Variants in ZNF578 observed in about 807,000 individuals in gnomAD.
ZNF578 encodes the protein Putative chemokine-related protein B42.
A neutral mutation model predicts 8.3 loss-of-function variants in ZNF578; 8 were observed. That is an observed-to-expected ratio of 0.96 (90% CI 0.56 to 1.74). ZNF578 has a LOEUF of 1.74. Ranked by LOEUF, ZNF578 falls within the 40% of genes most tolerant of loss-of-function variation. The pLI is 0.00. For missense variants in ZNF578, 726 were observed against 707.5 expected, an observed-to-expected ratio of 1.03 and a Z score of -0.30; for synonymous variants, 206 against 232.2, an observed-to-expected ratio of 0.89 and a Z score of 1.03.
chr19:52,508,825 G>A (rs1019567241), intron 5 of ZNF578, among the ~76,000 whole-genome samples: 6 of 146,608 alleles, frequency 4.1e-5, no homozygotes, highest in South Asian at 2.1e-4. Flanking sequence ...TCTGATAATC[G>A]CTTTTAGCCA....
Position 52,513,552 on chromosome 19 carries a change from A to G in ZNF578, c.*1398A>G, listed in dbSNP as rs373707106. Among the ~76,000 whole-genome samples the G allele has an allele frequency of 6.6e-6, 1 of 151,344 alleles. No individual in the cohort carries two copies. Among genetic ancestry groups the G allele is most frequent in the African/African-American group, 2.4e-5 (1 of 41,232 alleles). On this transcript the variant is annotated 3_prime_UTR_variant, in exon 6 of 6. Transcript: ENST00000421239. Reference sequence around the variant, plus strand: ...GAGACCGTCCTGGCTAACACGGTGAAACCTCGTCTCTACTAAAAATACAAA... The same window carrying G: ...GAGACCGTCCTGGCTAACACGGTGAGACCTCGTCTCTACTAAAAATACAAA...
At chr19:52,458,601 A>G (rs1484443864) in intron 2 of ZNF578, 1 of 151,250 alleles carries the variant, frequency 6.6e-6, no homozygotes, top group Non-Finnish European at 1.5e-5. Flanking sequence ...TGCTTTGCTC[A>G]ATTTTCTTTC....
intron 2 of ZNF578, among the ~76,000 whole-genome samples, chr19:52,479,132 CT>C (rs75979484): frequency 0.1 from 15,247 of 152,176 alleles, 1,301 homozygotes; most frequent in East Asian, 0.33. Flanking sequence ...TAGTTAATGT[CT>C]GACAACTAAC....
intron 3 of ZNF578, among the ~76,000 whole-genome samples, chr19:52,501,284 C>T (rs1205991096): frequency 1.3e-5 from 2 of 152,194 alleles, no homozygotes; most frequent in Admixed American, 1.3e-4. Context: ...TGGGCTCGCC[C>T]CCTCTGAGTG....
At chr19:52,486,364 G>T (rs1037180497) in intron 2 of ZNF578, among the ~76,000 whole-genome samples, 1 of 152,204 alleles carries the variant, frequency 6.6e-6, no homozygotes, top group Middle Eastern at 3.4e-3. Flanking sequence ...GCCGTCGTGG[G>T]TCCTCCGTAT....
intron 2 of ZNF578, among the ~76,000 whole-genome samples, chr19:52,482,517 A>G (rs1195279147): frequency 2.0e-5 from 3 of 152,136 alleles, no homozygotes; most frequent in Non-Finnish European, 4.4e-5. Flanking sequence ...AGACGCCTGT[A>G]ATCCCACCTA....
intron 3 of ZNF578, among the ~76,000 whole-genome samples, chr19:52,493,377 C>T (rs1335873576): frequency 6.6e-6 from 1 of 152,202 alleles, no homozygotes; most frequent in Admixed American, 6.5e-5. Flanking sequence ...TTCCCCTGAA[C>T]CAGCATTGGG....
At chr19:52,484,861 C>T (rs2059339474) in intron 2 of ZNF578, among the ~76,000 whole-genome samples, 2 of 151,214 alleles carry the variant, frequency 1.3e-5, no homozygotes, top group Admixed American at 6.6e-5. Context: ...CACTGACTCT[C>T]TTTTTGGACT....
In ZNF578 at chr19:52,514,959, ACT is replaced by A. The variant is rs2059467020; in HGVS notation, c.*2808_*2809del. Among the ~76,000 whole-genome samples the A allele has an allele frequency of 1.8e-5, 2 of 111,790 alleles. No homozygotes were observed. Among genetic ancestry groups the A allele is most frequent in the African/African-American group, 7.1e-5 (2 of 28,178 alleles). 73.3% of individuals were successfully genotyped at this position (111,790 alleles called of 152,430 possible). On this transcript the variant is annotated 3_prime_UTR_variant, in exon 6 of 6. Coordinates refer to ENST00000421239, the MANE Select transcript of ZNF578 (RefSeq NM_001099694.2). ...TACAGGCATGAGCTACCACGTCGAG[ACT>A]CTTTTTTTTTTTTTTTTTTAGATGG...
At chr19:52,459,713 A>ATGTGTGGATATG (rs1555751302) in intron 2 of ZNF578, among the ~76,000 whole-genome samples, 2 of 18,234 alleles carry the variant, frequency 1.1e-4, no homozygotes, top group African/African-American at 2.8e-4. Flanking sequence ...ATATGTAGAT[A>ATGTGTGGATATG]TGTGTGTGTG....
intron 2 of ZNF578, among the ~76,000 whole-genome samples, chr19:52,471,381 T>G (rs1488780475): frequency 1.3e-5 from 2 of 152,184 alleles, no homozygotes; most frequent in African/African-American, 4.8e-5. Context: ...GAGCCGGTTC[T>G]CCCTAATAAA....
rs188813256 is a variant in ZNF578 at position 52,489,104 on chromosome 19, C to G, written c.-121-2220C>G. On this transcript the variant is annotated intron_variant, in intron 2 of 5. Transcript: ENST00000421239. Reference sequence around the variant, plus strand: ...ACAGAGTGAGACTCCGTCTGCCCCCCCTAAAAAAAGAAAAAGTAGCCGAGG... The same window carrying G: ...ACAGAGTGAGACTCCGTCTGCCCCCGCTAAAAAAAGAAAAAGTAGCCGAGG... 1.0e-3 allele frequency among the ~76,000 whole-genome samples: 152 copies of G among 151,398 alleles called. 1 individual carries two copies. The highest frequency in any genetic ancestry group is 3.6e-3 in the African/African-American group (149 of 41,286).
At chr19:52,498,802 C>G (rs1271374397) in intron 3 of ZNF578, among the ~76,000 whole-genome samples, 1 of 150,898 alleles carries the variant, frequency 6.6e-6, no homozygotes, top group East Asian at 1.9e-4. Context: ...CTTGCGTCAG[C>G]CTCCCAAGTA....
At chr19:52,481,740 A>G (rs961850474) in intron 2 of ZNF578, among the ~76,000 whole-genome samples, 2 of 152,196 alleles carry the variant, frequency 1.3e-5, no homozygotes, top group Admixed American at 6.5e-5. Flanking sequence ...TTTAAATTAA[A>G]TTAATTCTTT....
intron 2 of ZNF578, among the ~76,000 whole-genome samples, chr19:52,483,091 CA>C (rs2059332733): frequency 6.6e-6 from 1 of 151,962 alleles, no homozygotes; most frequent in African/African-American, 2.4e-5. Context: ...AAAGAAATAG[CA>C]ATCAGCTCTT....
intron 3 of ZNF578, among the ~76,000 whole-genome samples, chr19:52,493,632 G>A (rs772925898): frequency 4.9e-4 from 75 of 152,050 alleles, no homozygotes; most frequent in South Asian, 8.3e-4. Flanking sequence ...AGGAGACGCA[G>A]AGATAAGAGG....
Position 52,510,577 on chromosome 19 carries a change from T to A in ZNF578, c.196T>A (p.Ser66Thr). 2 of 1,529,980 alleles carry A rather than the reference T, an allele frequency of 1.3e-6. No homozygotes were observed. Among genetic ancestry groups the A allele is most frequent in the Non-Finnish European group, 1.8e-6 (2 of 1,141,482 alleles). 94.8% of individuals were successfully genotyped at this position (1,529,980 alleles called of 1,614,324 possible). The change falls in exon 6 of 6, where the codon TCT (serine) becomes ACT (threonine). Residue 66 changes from serine (S) to threonine (T), a missense_variant. Ser to Thr is a moderately conservative substitution (Grantham distance 58). Coordinates refer to ENST00000421239, the MANE Select transcript of ZNF578 (RefSeq NM_001099694.2). Reference protein sequence around the residue: ...NYRNLEAVDISSKRMMKEVLS... With the variant: ...NYRNLEAVDITSKRMMKEVLS... ...TTGGTGTTTATATTTTGTAGATATC[T>A]CTTCCAAACGCATGATGAAGGAGGT... is the stretch of plus-strand genomic sequence containing the variant.
At position 52,462,465 on chromosome 19, in the gene ZNF578, G is replaced by T. The variant is rs145627126; in HGVS notation, c.-122+5507G>T. Among the ~76,000 whole-genome samples, 23 of 152,252 alleles carry T rather than the reference G, an allele frequency of 1.5e-4. No homozygotes were observed. In the East Asian group the frequency reaches 4.0e-3, roughly 27 times the overall value. ...AACCTCAACTGGGGGTTCCAACAAA[G>T]TGACAGACCTAATTAAAGGCAGGAA... is the stretch of plus-strand genomic sequence containing the variant. On this transcript the variant is annotated intron_variant, in intron 2 of 5. Transcript: ENST00000421239.
chr19:52,461,007 C>T (rs2122767115), intron 2 of ZNF578, among the ~76,000 whole-genome samples: 1 of 152,294 alleles, frequency 6.6e-6, no homozygotes, highest in Admixed American at 6.5e-5. Context: ...TAAACCGATA[C>T]ACATTAAAGT....
Sources: allele counts gnomAD v4.1 joint callset (sites outside exome capture counted in the v4.1 genomes callset), GRCh38; gene constraint gnomAD v4.1.1; transcripts MANE v1.5; gene names NCBI Gene and HGNC (gene_info 2026-07-23, HGNC 2026-07-21).